The following CPEB3 variants were observed in gnomAD, a reference collection of about 807,000 sequenced individuals.
CPEB3 encodes cytoplasmic polyadenylation element-binding protein 3.
Under a neutral mutation model 67.2 loss-of-function variants are expected in CPEB3, and 20 were observed. The observed-to-expected ratio is 0.30, with a 90% CI of 0.21 to 0.43. The LOEUF is 0.43. Among genes scored for constraint, CPEB3 ranks in the 20% least tolerant of loss-of-function variants. CPEB3 has a pLI of 1.00. For missense variants in CPEB3, 746 were observed against 968.6 expected (o/e 0.77, Z 3.05); for synonymous variants, 376 against 393.1 (o/e 0.96, Z 0.51).
At chr10:92,230,943 GA>G (rs1157123170) in intron 2 of CPEB3, among the ~76,000 whole-genome samples, 1 of 152,188 alleles carries the variant, frequency 6.6e-6, no homozygotes, top group Non-Finnish European at 1.5e-5. Context: ...GGCCTACAGG[GA>G]AATGGTGGTA....
At chr10:92,129,867 C>G (rs76251755) in intron 6 of CPEB3, among the ~76,000 whole-genome samples, 12,379 of 152,074 alleles carry the variant, frequency 0.081, 721 homozygotes, top group East Asian at 0.19. Context: ...CAGAGCAAGA[C>G]TCTGTCTCCA....
intron 1 of CPEB3, among the ~76,000 whole-genome samples, chr10:92,249,792 G>A (rs1187968324): frequency 6.6e-6 from 1 of 152,068 alleles, no homozygotes; most frequent in East Asian, 1.9e-4. Flanking sequence ...GGCCGAAGCA[G>A]GAAGATTACT....
intron 4 of CPEB3, among the ~76,000 whole-genome samples, chr10:92,173,797 A>C (rs941275546): frequency 1.3e-5 from 2 of 152,186 alleles, no homozygotes. Context: ...GAATGGTTTG[A>C]AATTTGAGTA....
At position 92,290,962 on chromosome 10, in the gene CPEB3, G is replaced by A. The variant is rs1212399507; in HGVS notation, c.-48C>T. On this transcript the variant is annotated 5_prime_UTR_variant, in exon 1 of 10. The change creates a premature stop within an existing upstream ORF in the 5' untranslated region. Coordinates refer to ENST00000265997, the MANE Select transcript of CPEB3 (RefSeq NM_014912.5). ...CGACAGTGGAGCGGCGCATCCTGCT[G>A]CTTCCTGGAAAGCGGCCCGAAAGAC... 2 of 162,542 alleles carry A rather than the reference G, an allele frequency of 1.2e-5. No homozygotes were observed. The highest frequency in any genetic ancestry group is 2.7e-4 in the South Asian group (2 of 7,300). 10.1% of individuals were successfully genotyped at this position (162,542 alleles called of 1,614,324 possible).
chr10:92,249,824 A>T (rs1239870864), intron 1 of CPEB3, among the ~76,000 whole-genome samples: 1 of 151,770 alleles, frequency 6.6e-6, no homozygotes, highest in African/African-American at 2.4e-5. Context: ...GTTTGAAACC[A>T]GCCTTGGTCA....
At chr10:92,255,487 C>T (rs974564602) in intron 1 of CPEB3, among the ~76,000 whole-genome samples, 16 of 152,252 alleles carry the variant, frequency 1.1e-4, no homozygotes, top group African/African-American at 3.8e-4. Flanking sequence ...ATTTAAGATG[C>T]CTTCCCAAGA....
chr10:92,168,796 T>C (rs1040354786), intron 4 of CPEB3, among the ~76,000 whole-genome samples: 3 of 149,454 alleles, frequency 2.0e-5, no homozygotes, highest in African/African-American at 7.5e-5. Flanking sequence ...TTGCCCTTTT[T>C]TTTTTTTTTT....
At chr10:92,175,325 C>T (rs558468892) in intron 4 of CPEB3, among the ~76,000 whole-genome samples, 1 of 151,630 alleles carries the variant, frequency 6.6e-6, no homozygotes, top group East Asian at 1.9e-4. Flanking sequence ...TAGTTCATTC[C>T]TATTTATTTG....
intron 4 of CPEB3, among the ~76,000 whole-genome samples, chr10:92,178,872 G>A (rs2134072715): frequency 6.6e-6 from 1 of 152,204 alleles, no homozygotes; most frequent in African/African-American, 2.4e-5. Flanking sequence ...GGATATTTTT[G>A]TTCTGATCAT....
At chr10:92,209,017 A>G (rs1849935175) in intron 2 of CPEB3, among the ~76,000 whole-genome samples, 1 of 152,072 alleles carries the variant, frequency 6.6e-6, no homozygotes, top group South Asian at 2.1e-4. Context: ...TCTTGTAGTC[A>G]GAGACTATGC....
At chr10:92,092,907 G>A (rs1843682490) in intron 7 of CPEB3, among the ~76,000 whole-genome samples, 1 of 152,034 alleles carries the variant, frequency 6.6e-6, no homozygotes, top group African/African-American at 2.4e-5. Flanking sequence ...AAATCTTTAT[G>A]GCATATTTCT....
intron 2 of CPEB3, among the ~76,000 whole-genome samples, chr10:92,232,270 G>T (rs1851305960): frequency 6.6e-6 from 1 of 150,948 alleles, no homozygotes; most frequent in Admixed American, 6.6e-5. Flanking sequence ...GGCCAGGTTG[G>T]TCTCGAACTC....
chr10:92,155,268 C>T (rs1847154580), intron 4 of CPEB3, among the ~76,000 whole-genome samples: 1 of 152,158 alleles, frequency 6.6e-6, no homozygotes, highest in Admixed American at 6.6e-5. Flanking sequence ...AGTTATAACT[C>T]CAGTTCTATC....
chr10:92,241,172 A>G (rs1851833897), intron 1 of CPEB3, among the ~76,000 whole-genome samples: 1 of 152,316 alleles, frequency 6.6e-6, no homozygotes, highest in East Asian at 1.9e-4. Flanking sequence ...CTTGTCTCCA[A>G]TTCTGCCGCA....
intron 6 of CPEB3, among the ~76,000 whole-genome samples, chr10:92,121,752 G>C (rs1845401073): frequency 6.6e-6 from 1 of 152,140 alleles, no homozygotes; most frequent in African/African-American, 2.4e-5. Flanking sequence ...GGAATGGCTG[G>C]TTTTGGATTG....
intron 7 of CPEB3, among the ~76,000 whole-genome samples, chr10:92,097,597 G>A (rs1564776085): frequency 6.6e-6 from 1 of 152,122 alleles, no homozygotes; most frequent in African/African-American, 2.4e-5. Flanking sequence ...GTGCTGAGTG[G>A]TATAAATATA....
chr10:92,123,087 C>T (rs1845462889), intron 6 of CPEB3, among the ~76,000 whole-genome samples: 1 of 152,174 alleles, frequency 6.6e-6, no homozygotes. Context: ...AGAAAACAAG[C>T]CGGCAGCGTA....
At chr10:92,275,263 GC>G (rs1294294678) in intron 1 of CPEB3, among the ~76,000 whole-genome samples, 1 of 152,150 alleles carries the variant, frequency 6.6e-6, no homozygotes, top group Non-Finnish European at 1.5e-5. Context: ...CCCATCAGAC[GC>G]CTGTAACATC....
intron 1 of CPEB3, among the ~76,000 whole-genome samples, chr10:92,249,462 C>T (rs568227307): frequency 7.3e-5 from 11 of 151,192 alleles, no homozygotes; most frequent in Non-Finnish European, 1.6e-4. Context: ...GTTGTTGGTT[C>T]ATGTATTTAC....
Sources: allele counts gnomAD v4.1 joint callset (sites outside exome capture counted in the v4.1 genomes callset), GRCh38; gene constraint gnomAD v4.1.1; transcripts MANE v1.5; gene names NCBI Gene and HGNC (gene_info 2026-07-23, HGNC 2026-07-21).